Variants in KCNB2 observed in about 807,000 individuals in gnomAD.
KCNB2 encodes potassium voltage-gated channel subfamily B member 2.
KCNB2 carries 15 observed loss-of-function variants against 61.5 expected under a neutral mutation model. The ratio of observed to expected loss-of-function variants is 0.24; its 90% CI spans 0.16 to 0.38. The LOEUF (loss-of-function observed/expected upper bound fraction) is 0.38, where lower values mean the gene tolerates loss of function less well. Among genes scored for constraint, KCNB2 ranks in the 10% least tolerant of loss-of-function variants. The pLI is 1.00. For missense variants in KCNB2, 828 were observed against 1,125.2 expected (o/e 0.74, Z 3.78); for synonymous variants, 457 against 446.0 (o/e 1.02, Z -0.31).
intron 2 of KCNB2, among the ~76,000 whole-genome samples, chr8:72,805,054 C>G (rs1008535853): frequency 1.3e-5 from 2 of 152,192 alleles, no homozygotes; most frequent in Non-Finnish European, 2.9e-5. Context: ...ATCCCAGTTG[C>G]TCACTTACCA....
At chr8:72,566,419 G>A (rs1806626282) in intron 1 of KCNB2, among the ~76,000 whole-genome samples, 1 of 152,174 alleles carries the variant, frequency 6.6e-6, no homozygotes. Context: ...GTAGGCAAGG[G>A]CTGGGCACGG....
chr8:72,683,178 G>A (rs1033656554), intron 2 of KCNB2, among the ~76,000 whole-genome samples: 2 of 152,156 alleles, frequency 1.3e-5, no homozygotes, highest in African/African-American at 4.8e-5. Flanking sequence ...AAACAGCAGG[G>A]ATGTAAAAGA....
chr8:72,932,750 G>A (rs1347913343), intron 2 of KCNB2, among the ~76,000 whole-genome samples: 1 of 152,118 alleles, frequency 6.6e-6, no homozygotes, highest in Non-Finnish European at 1.5e-5. Flanking sequence ...TGCCACATAA[G>A]TGCCATAAGA....
chr8:72,692,710 G>A (rs1806958037), intron 2 of KCNB2, among the ~76,000 whole-genome samples: 1 of 150,232 alleles, frequency 6.7e-6, no homozygotes, highest in African/African-American at 2.4e-5. Context: ...CCATATTACT[G>A]GTTTTAATTC....
intron 2 of KCNB2, among the ~76,000 whole-genome samples, chr8:72,639,416 G>A (rs552836813): frequency 2.0e-5 from 3 of 152,206 alleles, no homozygotes; most frequent in East Asian, 1.9e-4. Context: ...ATTTTCATAC[G>A]TCTTAATATT....
chr8:72,567,792 C>T lies in KCNB2; in HGVS notation c.58C>T (p.Leu20Phe), dbSNP rs1170327775. ...NRKTSRSTLS[L>F]PPEPVDIIRS... is the part of the protein sequence containing the mutation. ...GAAGACTTCAAGGTCGACACTTTCC[C>T]TTCCTCCAGAGCCTGTGGACATTAT... Residue 20 changes from leucine (L) to phenylalanine (F), a missense_variant, in exon 2 of 3, where the codon CTT becomes TTT. By Grantham distance (22) the Leu-to-Phe change is conservative. Around this residue, in one of 4 missense-constraint regions of KCNB2, gnomAD observed 62 missense variants for 54.8 expected, o/e 1.13. Coordinates refer to ENST00000523207, the MANE Select transcript of KCNB2 (RefSeq NM_004770.3). The T allele has an allele frequency of 6.2e-7, 1 of 1,610,178 alleles. No individual in the cohort carries two copies. The highest frequency in any genetic ancestry group is 8.5e-7 in the Non-Finnish European group (1 of 1,178,594).
chr8:72,539,629 GA>G (rs1056877992), intron 1 of KCNB2, among the ~76,000 whole-genome samples: 2 of 152,046 alleles, frequency 1.3e-5, no homozygotes, highest in African/African-American at 4.8e-5. Flanking sequence ...ATCGACTCCA[GA>G]AAAATCACTC....
At chr8:72,708,791 A>G (rs1194378833) in intron 2 of KCNB2, among the ~76,000 whole-genome samples, 1 of 152,012 alleles carries the variant, frequency 6.6e-6, no homozygotes, top group African/African-American at 2.4e-5. Context: ...TTTTGCCTCT[A>G]TTTTTTCTTA....
intron 2 of KCNB2, among the ~76,000 whole-genome samples, chr8:72,650,898 A>G (rs1386200493): frequency 1.3e-5 from 2 of 152,162 alleles, no homozygotes; most frequent in Non-Finnish European, 2.9e-5. Context: ...ATCTTCCCAT[A>G]CAGACTTGTA....
rs1208767910 is a variant in KCNB2, at chr8:72,670,421, C to T, written c.579+102108C>T. On this transcript the variant is annotated intron_variant, in intron 2 of 2. Coordinates refer to ENST00000523207, the MANE Select transcript of KCNB2 (RefSeq NM_004770.3). Reference sequence around the variant, plus strand: ...TTGTAGAATATCTGAACTTTGCATGCACTTTGTCTGGCTTCCTATCAACAA... The same window carrying T: ...TTGTAGAATATCTGAACTTTGCATGTACTTTGTCTGGCTTCCTATCAACAA... Among the ~76,000 whole-genome samples the T allele has an allele frequency of 2.0e-5, 3 of 152,144 alleles. No homozygotes were observed. In the East Asian group the frequency reaches 5.8e-4, roughly 29 times the overall value.
intron 1 of KCNB2, among the ~76,000 whole-genome samples, chr8:72,545,310 G>A (rs1458833563): frequency 6.6e-6 from 1 of 152,118 alleles, no homozygotes; most frequent in African/African-American, 2.4e-5. Flanking sequence ...CTTAACAGAT[G>A]CTGCGATTTT....
At chr8:72,907,283 G>A (rs775986356) in intron 2 of KCNB2, among the ~76,000 whole-genome samples, 6 of 152,084 alleles carry the variant, frequency 3.9e-5, no homozygotes, top group African/African-American at 7.2e-5. Flanking sequence ...CTTGAACCCA[G>A]GAAGCAGATG....
intron 2 of KCNB2, among the ~76,000 whole-genome samples, chr8:72,648,535 A>G (rs1395929290): frequency 6.7e-6 from 1 of 149,014 alleles, no homozygotes; most frequent in Non-Finnish European, 1.5e-5. Context: ...CAGCCTCCCT[A>G]AGTGCTGGGA....
chr8:72,558,985 G>A (rs1241059875), intron 1 of KCNB2, among the ~76,000 whole-genome samples: 1 of 152,060 alleles, frequency 6.6e-6, no homozygotes, highest in Admixed American at 6.5e-5. Flanking sequence ...GCACATTAAA[G>A]AAATGAAAGA....
intron 2 of KCNB2, among the ~76,000 whole-genome samples, chr8:72,635,471 A>G (rs756893535): frequency 3.9e-5 from 6 of 152,164 alleles, no homozygotes; most frequent in Non-Finnish European, 8.8e-5. Flanking sequence ...GAAAGGCCCC[A>G]AAGGAACTCC....
rs1484909320 is a variant in KCNB2 at position 72,725,541 on chromosome 8, G to GTATATATATATATATATGTA, written c.579+157229_579+157230insATATATATATATATATGTAT. On this transcript the variant is annotated intron_variant, in intron 2 of 2. Transcript: ENST00000523207. Reference sequence around the variant, plus strand: ...TATATATATATATATATATATATATGTGTGTATATATATATGTATATATGT... The same window carrying GTATATATATATATATATGTA: ...TATATATATATATATATATATATATGTATATATATATATATATGTATGTGTATATATATATGTATATATGT... 4.0e-5 allele frequency among the ~76,000 whole-genome samples: 3 copies of GTATATATATATATATATGTA among 74,702 alleles called. No individual in the cohort carries two copies. In the East Asian group the frequency reaches 1.2e-3, roughly 30 times the overall value. 49.0% of individuals were successfully genotyped at this position (74,702 alleles called of 152,430 possible). A position where few individuals can be genotyped will look rare whatever the true frequency, so the allele number is the denominator to read the frequency against.
At chr8:72,747,365 G>A (rs1808094257) in intron 2 of KCNB2, among the ~76,000 whole-genome samples, 1 of 152,176 alleles carries the variant, frequency 6.6e-6, no homozygotes, top group Admixed American at 6.5e-5. Context: ...CAGATCGTAA[G>A]AGCTTGAGCT....
chr8:72,850,128 A>G (rs1810069299), intron 2 of KCNB2, among the ~76,000 whole-genome samples: 1 of 152,094 alleles, frequency 6.6e-6, no homozygotes, highest in African/African-American at 2.4e-5. Context: ...CTAATTTTGC[A>G]TAATTAAAGG....
At chr8:72,605,008 A>G (rs749878613) in intron 2 of KCNB2, among the ~76,000 whole-genome samples, 5 of 152,130 alleles carry the variant, frequency 3.3e-5, no homozygotes, top group Non-Finnish European at 7.3e-5. Context: ...TGCTTAGAAT[A>G]TTTTATTTTG....
Sources: gnomAD v4.1 joint callset for allele counts (sites outside exome capture counted in the v4.1 genomes callset) on GRCh38, gnomAD v4.1.1 for gene constraint, gnomAD v4.1.1 regional missense constraint, MANE v1.5 for transcripts, NCBI Gene and HGNC (gene_info 2026-07-23, HGNC 2026-07-21) for gene names.